IRAK2: variants seen among roughly 807,000 people sequenced by gnomAD.
IRAK2 encodes the protein interleukin-1 receptor-associated kinase-like 2.
Under a neutral mutation model 72.0 loss-of-function variants are expected in IRAK2, and 57 were observed. The observed-to-expected ratio is 0.79, with a 90% CI of 0.64 to 0.99. IRAK2 has a LOEUF of 0.99. IRAK2 is among the 50% of genes least tolerant of loss of function. IRAK2 has a pLI of 0.00. For missense variants in IRAK2, 790 were observed against 794.4 expected, an observed-to-expected ratio of 0.99 and a Z score of 0.07; for synonymous variants, 293 against 312.7, an observed-to-expected ratio of 0.94 and a Z score of 0.67.
chr3:10,201,953 T>C (rs891417408), intron 3 of IRAK2, among the ~76,000 whole-genome samples: 6 of 152,262 alleles, frequency 3.9e-5, no homozygotes, highest in Non-Finnish European at 7.3e-5. Flanking sequence ...GTACCTCAGT[T>C]TACTCATTTG....
At chr3:10,180,191 C>T (rs913306682) in intron 2 of IRAK2, among the ~76,000 whole-genome samples, 1 of 152,016 alleles carries the variant, frequency 6.6e-6, no homozygotes, top group Non-Finnish European at 1.5e-5. Flanking sequence ...CTGGTTACCC[C>T]CACCCCTCCT....
intron 2 of IRAK2, among the ~76,000 whole-genome samples, chr3:10,183,668 C>G (rs570829063): frequency 6.0e-4 from 92 of 152,210 alleles, no homozygotes; most frequent in African/African-American, 2.2e-3. Context: ...TTGCAGTGAG[C>G]CAAGATGGCA....
chr3:10,178,135 T>C (rs1171178825), intron 2 of IRAK2, 115 bp downstream of exon 2: 1 of 861,746 alleles, frequency 1.2e-6, no homozygotes. Context: ...ATTAAAAAAT[T>C]TAATGAGTGA....
At chr3:10,212,961 G>A (rs915353712) in intron 4 of IRAK2, among the ~76,000 whole-genome samples, 1 of 151,864 alleles carries the variant, frequency 6.6e-6, no homozygotes, top group South Asian at 2.1e-4. Context: ...GTAGAGACGG[G>A]GTTTCACTGT....
intron 1 of IRAK2, among the ~76,000 whole-genome samples, chr3:10,174,306 T>C (rs975261610): frequency 6.6e-6 from 1 of 152,116 alleles, no homozygotes; most frequent in Admixed American, 6.6e-5. Context: ...CAGGAGACTG[T>C]CACCAGCCCA....
intron 10 of IRAK2, among the ~76,000 whole-genome samples, chr3:10,233,881 C>T (rs760650481): frequency 4.6e-5 from 7 of 152,014 alleles, no homozygotes; most frequent in East Asian, 1.9e-4. Context: ...GACAGAATCT[C>T]GCTGTCACCT....
chr3:10,240,784 C>T (rs1002726765), intron 12 of IRAK2, among the ~76,000 whole-genome samples: 1 of 151,262 alleles, frequency 6.6e-6, no homozygotes, highest in Non-Finnish European at 1.5e-5. Flanking sequence ...GTCTTGAACT[C>T]CCAACCTCAG....
chr3:10,185,102 C>G (rs954597600), intron 2 of IRAK2, among the ~76,000 whole-genome samples: 1 of 151,266 alleles, frequency 6.6e-6, no homozygotes, highest in Admixed American at 6.6e-5. Flanking sequence ...TCTCAGTGAT[C>G]TGTGATTCGC....
chr3:10,165,070 G>A, intron 1 of IRAK2, 22 bp downstream of exon 1: 1 of 1,595,790 alleles, frequency 6.3e-7, no homozygotes, highest in South Asian at 1.1e-5. Flanking sequence ...CCGGGGAGGG[G>A]AGGGGACCAG....
chr3:10,200,568 G>T (rs1697342913), intron 3 of IRAK2, 53 bp downstream of exon 3: 1 of 1,468,376 alleles, frequency 6.8e-7, no homozygotes, highest in African/African-American at 1.4e-5. Context: ...AGGAAATGAA[G>T]ATATATCTAT....
intron 9 of IRAK2, among the ~76,000 whole-genome samples, chr3:10,224,336 CAA>C (rs202221336): frequency 0.25 from 29,826 of 121,554 alleles, 3,943 homozygotes; most frequent in East Asian, 0.67. Context: ...GATTCTGTCT[CAA>C]AAAAAAAAAA....
intron 7 of IRAK2, 66 bp downstream of exon 7, chr3:10,217,114 A>G (rs1240404804): frequency 8.3e-7 from 1 of 1,204,930 alleles, no homozygotes; most frequent in Non-Finnish European, 1.2e-6. Context: ...TCAAGGGTTA[A>G]GGACTTACAG....
chr3:10,228,068 G>T (rs1459625154), intron 10 of IRAK2, among the ~76,000 whole-genome samples: 2 of 152,010 alleles, frequency 1.3e-5, no homozygotes, highest in African/African-American at 2.4e-5. Context: ...GAAGTGACTT[G>T]TCTCACGCCC....
chr3:10,222,770 CA>C lies in IRAK2; in HGVS notation c.1149del (p.Glu384ArgfsTer9). The stretch of plus-strand genomic sequence containing the variant: ...CTCCGGACGTCAGCCGCGTATCTGC[CA>C]GAGGATTTCATCCGGGTGGGGCAGC... ...HLLRTSAAYL[P>X]EDFIRVGQLT... On this transcript the variant is annotated frameshift_variant, in exon 9 of 13. Transcript: ENST00000256458. LOFTEE classifies it high-confidence loss of function. 6.2e-7 allele frequency: 1 copy of C among 1,614,194 alleles called. No homozygotes were observed. Among genetic ancestry groups the C allele is most frequent in the Non-Finnish European group, 8.5e-7 (1 of 1,180,042 alleles).
At chr3:10,184,854 CG>C (rs1697024756) in intron 2 of IRAK2, among the ~76,000 whole-genome samples, 2 of 150,400 alleles carry the variant, frequency 1.3e-5, no homozygotes, top group African/African-American at 5.0e-5. Context: ...CTCAGCCTCC[CG>C]AGTAGCTGGG....
intron 2 of IRAK2, among the ~76,000 whole-genome samples, chr3:10,191,193 G>A (rs1416184692): frequency 2.0e-5 from 3 of 152,004 alleles, no homozygotes; most frequent in African/African-American, 7.2e-5. Context: ...TACTCAAGAG[G>A]CTGAGGCAGG....
chr3:10,235,099 G>A (rs1359813452), intron 11 of IRAK2, among the ~76,000 whole-genome samples: 1 of 152,116 alleles, frequency 6.6e-6, no homozygotes, highest in African/African-American at 2.4e-5. Context: ...AGGCATGGTG[G>A]GGCGGTCCAG....
intron 1 of IRAK2, among the ~76,000 whole-genome samples, chr3:10,175,854 G>GCA (rs978315498): frequency 7.6e-6 from 1 of 131,110 alleles, no homozygotes; most frequent in Non-Finnish European, 1.5e-5. Flanking sequence ...GTGCACCACT[G>GCA]CACTCCAGCC....
intron 3 of IRAK2, among the ~76,000 whole-genome samples, chr3:10,207,262 T>G (rs889683630): frequency 6.6e-6 from 1 of 152,142 alleles, no homozygotes; most frequent in South Asian, 2.1e-4. Context: ...CCAAAATAAA[T>G]TTTTTAATAG....
Sources: allele counts gnomAD v4.1 joint callset (sites outside exome capture counted in the v4.1 genomes callset), GRCh38; gene constraint gnomAD v4.1.1; transcripts MANE v1.5; gene names NCBI Gene and HGNC (gene_info 2026-07-23, HGNC 2026-07-21).